Variants in CEP44 observed in about 807,000 individuals in gnomAD.
CEP44 encodes the protein centrosomal protein 44.
In CEP44, 45 loss-of-function variants were observed where a neutral mutation model predicts 46.7. That is an observed-to-expected ratio of 0.96 (90% CI 0.76 to 1.24). The LOEUF is 1.24. Among genes scored for constraint, CEP44 ranks in the 50% most tolerant of loss-of-function variants. The probability of loss-of-function intolerance (pLI) is 0.00; values close to 1 mark genes in which losing one functional copy is unlikely to be tolerated. For synonymous variants in CEP44, 142 were observed against 146.0 expected, an observed-to-expected ratio of 0.97 and a Z score of 0.20; for missense variants, 475 against 459.7, an observed-to-expected ratio of 1.03 and a Z score of -0.30.
chr4:174,322,437 C>T (rs1242883074), downstream of CEP44, among the ~76,000 whole-genome samples: 2 of 152,048 alleles, frequency 1.3e-5, no homozygotes, highest in Non-Finnish European at 2.9e-5. Flanking sequence ...AACATAACTC[C>T]CTCCAAATAA....
At position 174,309,521 on chromosome 4, in the gene CEP44, G is replaced by A. The variant is rs979402797; in HGVS notation, c.679-329G>A. Among the ~76,000 whole-genome samples, 9 of 151,906 alleles carry A rather than the reference G, an allele frequency of 5.9e-5. No homozygotes were observed. Among genetic ancestry groups the A allele is most frequent in the Admixed American group, 6.6e-5 (1 of 15,234 alleles). On this transcript the variant is annotated intron_variant, in intron 7 of 11. Coordinates refer to ENST00000503780, the MANE Select transcript of CEP44 (RefSeq NM_001040157.3). This position sits in a 1 kb window ranked among gnomAD's most constrained non-coding sequence, Gnocchi z 5.3. ...ATTTCCTCTTAGCTTTGTGCTAAGC[G>A]TTGTTTCAAGAAGCTAGTTAATAAT...
chr4:174,330,046 A>G (rs1731234823), intron 8 of CEP44, among the ~76,000 whole-genome samples: 1 of 152,214 alleles, frequency 6.6e-6, no homozygotes, highest in Non-Finnish European at 1.5e-5. Flanking sequence ...TTAATTGTTC[A>G]AAGTAACACA....
intron 9 of CEP44, among the ~76,000 whole-genome samples, chr4:174,313,645 A>T (rs933135887): frequency 6.6e-6 from 1 of 152,220 alleles, no homozygotes; most frequent in Non-Finnish European, 1.5e-5. Context: ...GAATTTTAGT[A>T]GTCATTATTT....
chr4:174,305,495 T>A (rs531521611), intron 6 of CEP44, among the ~76,000 whole-genome samples: 1 of 152,244 alleles, frequency 6.6e-6, no homozygotes, highest in East Asian at 1.9e-4. Flanking sequence ...AAAAGTGAAA[T>A]TTTATTATAA....
At position 174,329,856 on chromosome 4, in the gene CEP44, G is replaced by A. The variant is rs532442366; in HGVS notation, c.1087-1626G>A. On this transcript the variant is annotated intron_variant, in intron 8 of 8. Transcript: ENST00000426172. The surrounding 1 kb of genome is among the most constrained non-coding windows in gnomAD (Gnocchi z 4.0). Reference sequence around the variant, plus strand: ...TTTTAAAGATGAGTTTGGATGAGTTGCAAATAACATCCTCTACCCTTAGGT... The same window carrying A: ...TTTTAAAGATGAGTTTGGATGAGTTACAAATAACATCCTCTACCCTTAGGT... Among the ~76,000 whole-genome samples, 3 of 152,190 alleles carry A rather than the reference G, an allele frequency of 2.0e-5. No individual in the cohort carries two copies. The South Asian group carries it at 6.2e-4, about 32-fold the overall frequency.
At chr4:174,308,010 G>T (rs1370166530) in intron 6 of CEP44, among the ~76,000 whole-genome samples, 1 of 152,164 alleles carries the variant, frequency 6.6e-6, no homozygotes. Context: ...CTGTTGGTGG[G>T]AGTGTAAGTT....
intron 8 of CEP44, among the ~76,000 whole-genome samples, chr4:174,327,475 G>T (rs1742757054): frequency 1.3e-5 from 2 of 151,830 alleles, no homozygotes; most frequent in Non-Finnish European, 2.9e-5. Flanking sequence ...GAGAAAAATA[G>T]AAAAGGTAGC....
At chr4:174,295,735 C>T (rs181202320) in intron 1 of CEP44, among the ~76,000 whole-genome samples, 14 of 152,328 alleles carry the variant, frequency 9.2e-5, no homozygotes, top group Admixed American at 5.2e-4. Flanking sequence ...TCTGCAATCC[C>T]GGCACCTCGG....
intron 6 of CEP44, among the ~76,000 whole-genome samples, chr4:174,307,015 A>G (rs1485791168): frequency 6.6e-6 from 1 of 152,220 alleles, no homozygotes; most frequent in Non-Finnish European, 1.5e-5. Flanking sequence ...AAGAATCAAT[A>G]TTGTTAAAAT....
chr4:174,294,940 G>A (rs1229337577), intron 1 of CEP44, among the ~76,000 whole-genome samples: 27 of 139,234 alleles, frequency 1.9e-4, no homozygotes, highest in South Asian at 6.9e-4. Flanking sequence ...AGGCAGAGGC[G>A]CCCCTCACCT....
At position 174,316,217 on chromosome 4, in the gene CEP44, A is replaced by ATAG. The variant is rs1474790797; in HGVS notation, c.1016_1018dup (p.Ser339dup). On this transcript the variant is annotated inframe_insertion, in exon 10 of 12. Transcript: ENST00000503780. The stretch of plus-strand genomic sequence containing the variant: ...GCAAGTATTCCTCTGTCCTCTGGCT[A>ATAG]TAGTACAGCATCATCAGATTCAACT... The ATAG allele has an allele frequency of 8.1e-6, 13 of 1,613,710 alleles. No individual in the cohort carries two copies. Among genetic ancestry groups the ATAG allele is most frequent in the Non-Finnish European group, 1.1e-5 (13 of 1,179,778 alleles).
chr4:174,332,426 C>T (rs974905969), exon 9 of CEP44: 16 of 152,218 alleles, frequency 1.1e-4, no homozygotes, highest in African/African-American at 3.6e-4. Context: ...ACTGCATCAA[C>T]CACATCTTAT....
chr4:174,331,453 T>A lies in CEP44; in HGVS notation c.1087-29T>A. On this transcript the variant is annotated intron_variant, in intron 8 of 8. Coordinates refer to the CEP44 transcript ENST00000426172. This position sits in a 1 kb window ranked among gnomAD's most constrained non-coding sequence, Gnocchi z 4.5. ...CTGCCAATGCATTTAGATCATATTT[T>A]AATGTATAATTTTGTGTTTCCTTTC... The A allele has an allele frequency of 6.5e-7, 1 of 1,550,228 alleles. No homozygotes were observed. The highest frequency in any genetic ancestry group is 1.2e-5 in the South Asian group (1 of 83,964).
At chr4:174,308,558 A>C in intron 6 of CEP44, 131 bp from the exon 7 acceptor site, 2 of 838,360 alleles carry the variant, frequency 2.4e-6, no homozygotes, top group Non-Finnish European at 3.6e-6. Flanking sequence ...TAATCTGCAC[A>C]ACAAACCCCC....
chr4:174,332,727 G>C (rs1268381819), exon 9 of CEP44: 1 of 152,134 alleles, frequency 6.6e-6, no homozygotes, highest in Non-Finnish European at 1.5e-5. Context: ...AATACATGGG[G>C]CTAGACACAG....
rs1430533843 is a variant in CEP44, at chr4:174,318,402, G to A, written c.*1019G>A. On this transcript the variant is annotated 3_prime_UTR_variant, in exon 12 of 12. Coordinates refer to ENST00000503780, the MANE Select transcript of CEP44 (RefSeq NM_001040157.3). The stretch of plus-strand genomic sequence containing the variant: ...ACCGTTAAAAGATACACAGTGAGGT[G>A]TTGTGTTTTGTTTTTTTAATGATGA... 9.1e-6 allele frequency: 9 copies of A among 985,200 alleles called. No homozygotes were observed. The highest frequency in any genetic ancestry group is 1.1e-5 in the Non-Finnish European group (9 of 829,794). 61.0% of individuals were successfully genotyped at this position (985,200 alleles called of 1,614,324 possible).
intron 6 of CEP44, 42 bp downstream of exon 6, chr4:174,304,411 T>A (rs1740143742): frequency 6.3e-7 from 1 of 1,590,376 alleles, no homozygotes; most frequent in Non-Finnish European, 8.5e-7. Context: ...TTAAGAGTTA[T>A]CTAATTAATC....
chr4:174,320,704 A>ATGTGTGTGTGTGTGTGTGTGTGTGTG (rs796604982), downstream of CEP44, among the ~76,000 whole-genome samples: 14 of 125,328 alleles, frequency 1.1e-4, no homozygotes, highest in East Asian at 1.0e-3. Context: ...GTGTGTGTGT[A>ATGTGTGTGTGTGTGTGTGTGTGTGTG]TGTGTGTGTG....
intron 1 of CEP44, among the ~76,000 whole-genome samples, chr4:174,292,791 G>C (rs1191060079): frequency 6.6e-6 from 1 of 151,936 alleles, no homozygotes; most frequent in African/African-American, 2.4e-5. Flanking sequence ...TTTTCTATCT[G>C]GGTTTGTTTA....
Sources: gnomAD v4.1 joint callset for allele counts (sites outside exome capture counted in the v4.1 genomes callset) on GRCh38, gnomAD v4.1.1 for gene constraint, Gnocchi (gnomAD v3.1) non-coding constraint, MANE v1.5 for transcripts, NCBI Gene and HGNC (gene_info 2026-07-23, HGNC 2026-07-21) for gene names.